The following SRPK2 variants were observed in gnomAD, a reference collection of about 807,000 sequenced individuals.
SRPK2 encodes the protein SRSF protein kinase 2.
In SRPK2, 21 loss-of-function variants were observed where a neutral mutation model predicts 90.8. The observed-to-expected ratio is 0.23, with a 90% CI of 0.16 to 0.33. The LOEUF (loss-of-function observed/expected upper bound fraction) is 0.33, where lower values mean the gene tolerates loss of function less well. SRPK2 is among the 10% of genes least tolerant of loss of function. The pLI is 1.00. For missense variants in SRPK2, 620 were observed against 869.0 expected (o/e 0.71, Z 3.60); for synonymous variants, 288 against 311.1 (o/e 0.93, Z 0.78).
At chr7:105,274,631 A>G (rs1806249647) in intron 2 of SRPK2, among the ~76,000 whole-genome samples, 1 of 130,148 alleles carries the variant, frequency 7.7e-6, no homozygotes, top group African/African-American at 2.6e-5. Context: ...GTGGGGCTCC[A>G]CCTCAAAGAA....
intron 2 of SRPK2, among the ~76,000 whole-genome samples, chr7:105,331,332 A>AAAAC (rs1563248692): frequency 3.5e-5 from 5 of 144,912 alleles, no homozygotes; most frequent in Admixed American, 6.9e-5. Context: ...AAAAAAAAAA[A>AAAAC]AAAAACAAAT....
At chr7:105,280,422 A>C (rs1329662987) in intron 2 of SRPK2, among the ~76,000 whole-genome samples, 1 of 141,700 alleles carries the variant, frequency 7.1e-6, no homozygotes, top group Admixed American at 7.6e-5. Context: ...GACTGTCTTC[A>C]AAAAAAAAAA....
At chr7:105,313,675 A>G (rs1585664922) in intron 2 of SRPK2, among the ~76,000 whole-genome samples, 1 of 151,660 alleles carries the variant, frequency 6.6e-6, no homozygotes, top group Non-Finnish European at 1.5e-5. Context: ...CCCTTGAACC[A>G]GGGAGGCGGA....
intron 2 of SRPK2, among the ~76,000 whole-genome samples, chr7:105,278,255 C>CA (rs550988663): frequency 6.9e-4 from 102 of 148,146 alleles, no homozygotes; most frequent in African/African-American, 2.5e-3. Flanking sequence ...GCAGAGGTTG[C>CA]AGTGAGCTGA....
intron 2 of SRPK2, among the ~76,000 whole-genome samples, chr7:105,361,991 T>C (rs997047800): frequency 1.3e-5 from 2 of 151,966 alleles, no homozygotes; most frequent in Non-Finnish European, 2.9e-5. Flanking sequence ...CTAATTAAAC[T>C]AAAGAGCTTC....
chr7:105,118,757 TAAAAAG>T lies in SRPK2; in HGVS notation c.1916-741_1916-736del, dbSNP rs534284852. Reference sequence around the variant, plus strand: ...ACATAGACCAGACCCTGTCTCTACTTAAAAAGAAAAAAAGTAGCTGGGCACGGTGGT... The same window carrying T: ...ACATAGACCAGACCCTGTCTCTACTTAAAAAAAGTAGCTGGGCACGGTGGT... On this transcript the variant is annotated intron_variant, in intron 15 of 15. Coordinates refer to ENST00000393651, the MANE Select transcript of SRPK2 (RefSeq NM_182692.3). Among the ~76,000 whole-genome samples the T allele has an allele frequency of 7.9e-5, 12 of 151,588 alleles. No homozygotes were observed. The South Asian group carries it at 1.5e-3, about 18-fold the overall frequency.
intron 7 of SRPK2, among the ~76,000 whole-genome samples, chr7:105,158,276 A>T (rs1244920256): frequency 2.7e-5 from 4 of 148,960 alleles, no homozygotes; most frequent in African/African-American, 9.9e-5. Context: ...TTTCCCTGAG[A>T]TGGAGTCTTG....
chr7:105,211,417 T>C (rs529727243), intron 2 of SRPK2, among the ~76,000 whole-genome samples: 6 of 152,192 alleles, frequency 3.9e-5, no homozygotes, highest in African/African-American at 1.2e-4. Context: ...AGAGATTTAA[T>C]TGGCTCACAG....
At chr7:105,116,181 T>TATA (rs771721972), downstream of SRPK2, among the ~76,000 whole-genome samples, 125 of 152,306 alleles carry the variant, frequency 8.2e-4, 2 homozygotes, top group Non-Finnish European at 2.4e-4. Flanking sequence ...AGAATCAATC[T>TATA]ATACTGTAGC....
chr7:105,150,048 G>A (rs1293428942), intron 7 of SRPK2, among the ~76,000 whole-genome samples: 2 of 150,568 alleles, frequency 1.3e-5, no homozygotes, highest in African/African-American at 2.4e-5. Context: ...GGGGTAATTG[G>A]CCAAAAAAAA....
At chr7:105,145,797 G>T (rs548622113) in intron 8 of SRPK2, among the ~76,000 whole-genome samples, 1 of 152,286 alleles carries the variant, frequency 6.6e-6, no homozygotes, top group Middle Eastern at 3.4e-3. Context: ...CTACACCAGG[G>T]TCAAAAGCTT....
intron 2 of SRPK2, among the ~76,000 whole-genome samples, chr7:105,254,726 G>A (rs868433171): frequency 2.0e-5 from 3 of 151,848 alleles, no homozygotes; most frequent in Non-Finnish European, 2.9e-5. Flanking sequence ...GTCTCGCCCC[G>A]TCACCCAGGC....
chr7:105,161,087 G>A (rs1346145737), intron 6 of SRPK2, among the ~76,000 whole-genome samples: 13 of 151,852 alleles, frequency 8.6e-5, no homozygotes, highest in Non-Finnish European at 1.3e-4. Flanking sequence ...CACCACGCTC[G>A]GCTAATTTTT....
intron 2 of SRPK2, among the ~76,000 whole-genome samples, chr7:105,341,478 G>A (rs577634603): frequency 1.7e-4 from 26 of 151,530 alleles, no homozygotes; most frequent in Admixed American, 1.7e-3. Flanking sequence ...TTTGGGACCA[G>A]CCTGGTCAGC....
At chr7:105,266,734 A>G (rs1486461161) in intron 2 of SRPK2, among the ~76,000 whole-genome samples, 1 of 152,136 alleles carries the variant, frequency 6.6e-6, no homozygotes, top group Non-Finnish European at 1.5e-5. Flanking sequence ...ATGCTACATG[A>G]TATTGTAAGG....
At chr7:105,183,455 A>G (rs926941306) in intron 3 of SRPK2, among the ~76,000 whole-genome samples, 7 of 152,026 alleles carry the variant, frequency 4.6e-5, no homozygotes, top group African/African-American at 1.7e-4. Context: ...CAGATCGTAA[A>G]TGGCTAGCGG....
chr7:105,123,988 C>T (rs1212892806), intron 15 of SRPK2, among the ~76,000 whole-genome samples: 1 of 152,228 alleles, frequency 6.6e-6, no homozygotes, highest in East Asian at 1.9e-4. Flanking sequence ...TCAAAAAGAA[C>T]TCGATCACGT....
intron 4 of SRPK2, 71 bp downstream of exon 4, chr7:105,169,086 C>A: frequency 1.5e-6 from 2 of 1,360,204 alleles, no homozygotes; most frequent in South Asian, 1.2e-5. Flanking sequence ...TGACCCTCAG[C>A]CATACCTTCT....
chr7:105,163,081 T>G (rs556442749), intron 6 of SRPK2, among the ~76,000 whole-genome samples: 1 of 152,208 alleles, frequency 6.6e-6, no homozygotes, highest in Non-Finnish European at 1.5e-5. Flanking sequence ...CCTAGTATAC[T>G]CAAGATGAAT....
Sources: gnomAD v4.1 joint callset for allele counts (sites outside exome capture counted in the v4.1 genomes callset) on GRCh38, gnomAD v4.1.1 for gene constraint, MANE v1.5 for transcripts, NCBI Gene and HGNC (gene_info 2026-07-23, HGNC 2026-07-21) for gene names.